CNTNAP2: variants seen among roughly 807,000 people sequenced by gnomAD.
CNTNAP2 encodes the protein contactin associated protein 2, also known as contactin-associated protein-like 2.
In CNTNAP2, 98 loss-of-function variants were observed where a neutral mutation model predicts 155.2. The observed-to-expected ratio is 0.63, with a 90% CI of 0.54 to 0.75. The LOEUF is 0.75. Among genes scored for constraint, CNTNAP2 ranks in the 30% least tolerant of loss-of-function variants. The pLI is 0.00. For missense variants in CNTNAP2, 1,727 were observed against 1,688.1 expected (o/e 1.02, Z -0.40); for synonymous variants, 651 against 631.2 (o/e 1.03, Z -0.47).
intron 1 of CNTNAP2, among the ~76,000 whole-genome samples, chr7:146,236,798 A>C (rs1356992938): frequency 8.1e-6 from 1 of 122,938 alleles, no homozygotes; most frequent in Admixed American, 8.6e-5. Context: ...TTTATCAATA[A>C]GATTGTAAGT....
chr7:146,947,441 C>T (rs867136375), intron 3 of CNTNAP2, among the ~76,000 whole-genome samples: 5,559 of 142,126 alleles, frequency 0.039, 143 homozygotes, highest in Middle Eastern at 0.087. Flanking sequence ...CATACACACA[C>T]ACACACATAT....
At chr7:146,447,858 GT>G (rs1796424529) in intron 1 of CNTNAP2, among the ~76,000 whole-genome samples, 1 of 151,844 alleles carries the variant, frequency 6.6e-6, no homozygotes, top group Non-Finnish European at 1.5e-5. Context: ...TAAAAAAACT[GT>G]GTTTAAGTTC....
chr7:146,547,889 T>C (rs1798053226), intron 1 of CNTNAP2, among the ~76,000 whole-genome samples: 1 of 151,754 alleles, frequency 6.6e-6, no homozygotes, highest in Non-Finnish European at 1.5e-5. Context: ...CCGTAGCAGC[T>C]GCACCATTTT....
chr7:147,219,779 C>T (rs1803351711), intron 8 of CNTNAP2, among the ~76,000 whole-genome samples: 1 of 151,938 alleles, frequency 6.6e-6, no homozygotes, highest in African/African-American at 2.4e-5. Flanking sequence ...CTGGCTTCAT[C>T]ACTTTTTTTG....
chr7:148,237,083 T>C (rs1534709), intron 20 of CNTNAP2, among the ~76,000 whole-genome samples: 114,049 of 152,126 alleles, frequency 0.75, 43,168 homozygotes, highest in South Asian at 0.93. Flanking sequence ...TCCCTAATAT[T>C]CATTCCTGCA....
chr7:146,422,581 G>A (rs1796028260), intron 1 of CNTNAP2, among the ~76,000 whole-genome samples: 3 of 151,694 alleles, frequency 2.0e-5, no homozygotes, highest in Non-Finnish European at 4.4e-5. Flanking sequence ...AGAGTAAATT[G>A]CCTTATAGCA....
At position 146,513,420 on chromosome 7, in the gene CNTNAP2, C is replaced by T. The variant is rs1212023397; in HGVS notation, c.98-260851C>T. On this transcript the variant is annotated intron_variant, in intron 1 of 23. Transcript: ENST00000361727. ...TCCGTTTGGGTTTAGTAATTTTTCT[C>T]TGGTAGTATGTTTTGATTCCTTGCT... Among the ~76,000 whole-genome samples the T allele has an allele frequency of 2.0e-5, 3 of 151,910 alleles. No individual in the cohort carries two copies. In the East Asian group the frequency reaches 5.8e-4, roughly 29 times the overall value.
At chr7:148,328,970 T>G (rs1797939390) in intron 21 of CNTNAP2, among the ~76,000 whole-genome samples, 1 of 79,732 alleles carries the variant, frequency 1.3e-5, no homozygotes. Flanking sequence ...AGCAAGACTC[T>G]GTCTGGAAAA....
chr7:147,949,920 T>C lies in CNTNAP2; in HGVS notation c.2256-27942T>C, dbSNP rs1306840900. ...AAATAAGAAGAGGCTATGATTTGAA[T>C]TGGTATTAATAACAAAGAAGAAAAG... is the stretch of plus-strand genomic sequence containing the variant. On this transcript the variant is annotated intron_variant, in intron 14 of 23. Transcript: ENST00000361727. 2.6e-5 allele frequency among the ~76,000 whole-genome samples: 4 copies of C among 152,146 alleles called. No individual in the cohort carries two copies. In the East Asian group the frequency reaches 5.8e-4, roughly 22 times the overall value.
chr7:146,218,575 C>T (rs944459424), intron 1 of CNTNAP2, among the ~76,000 whole-genome samples: 5 of 151,686 alleles, frequency 3.3e-5, no homozygotes, highest in African/African-American at 9.7e-5. Flanking sequence ...AATAAATAAA[C>T]GAAAAAATAA....
At chr7:147,742,474 G>A (rs944770346) in intron 13 of CNTNAP2, among the ~76,000 whole-genome samples, 8 of 152,048 alleles carry the variant, frequency 5.3e-5, no homozygotes, top group African/African-American at 9.7e-5. Context: ...TCAGTGTTTC[G>A]ACAGGATGTG....
chr7:147,210,177 C>CT lies in CNTNAP2; in HGVS notation c.1348+77675dup, dbSNP rs369340690. Reference sequence around the variant, plus strand: ...CGTTTGAGGAGAATTGCTACCAGGTCTTTTTTTGGATGTCTGGTAGAATTC... The same window carrying CT: ...CGTTTGAGGAGAATTGCTACCAGGTCTTTTTTTTGGATGTCTGGTAGAATTC... On this transcript the variant is annotated intron_variant, in intron 8 of 23. Transcript: ENST00000361727. Among the ~76,000 whole-genome samples the CT allele has an allele frequency of 3.0e-3, 463 of 151,916 alleles. 2 individuals are homozygous for CT. Among genetic ancestry groups the CT allele is most frequent in the African/African-American group, 0.01 (432 of 41,486 alleles).
intron 21 of CNTNAP2, among the ~76,000 whole-genome samples, chr7:148,325,634 T>C (rs1010953803): frequency 6.6e-6 from 1 of 152,146 alleles, no homozygotes; most frequent in African/African-American, 2.4e-5. Flanking sequence ...CCCAAACCAA[T>C]AGATTTATTT....
intron 3 of CNTNAP2, among the ~76,000 whole-genome samples, chr7:146,877,615 A>ATGTG (rs909416983): frequency 7.2e-5 from 10 of 139,854 alleles, no homozygotes; most frequent in Admixed American, 5.1e-4. Flanking sequence ...TATACTATAT[A>ATGTG]TGTGTGTGTA....
intron 1 of CNTNAP2, among the ~76,000 whole-genome samples, chr7:146,241,038 A>C (rs935645061): frequency 6.6e-6 from 1 of 152,096 alleles, no homozygotes; most frequent in East Asian, 1.9e-4. Context: ...CCACACTTTT[A>C]AACAACCAGA....
At chr7:147,630,442 A>C (rs1019225727) in intron 12 of CNTNAP2, among the ~76,000 whole-genome samples, 9 of 152,226 alleles carry the variant, frequency 5.9e-5, no homozygotes, top group Admixed American at 1.3e-4. Context: ...CAAAAGACAG[A>C]GAAGGAGGGA....
intron 11 of CNTNAP2, among the ~76,000 whole-genome samples, chr7:147,503,579 C>A (rs559433494): frequency 4.2e-4 from 64 of 152,226 alleles, no homozygotes; most frequent in Non-Finnish European, 7.8e-4. Flanking sequence ...CTTCTCCCCA[C>A]TTTTACCACA....
intron 15 of CNTNAP2, among the ~76,000 whole-genome samples, chr7:147,978,826 G>C (rs923231677): frequency 1.3e-5 from 2 of 152,068 alleles, no homozygotes; most frequent in African/African-American, 2.4e-5. Context: ...CCTAGATTCT[G>C]CTCCCCAAAT....
intron 8 of CNTNAP2, among the ~76,000 whole-genome samples, chr7:147,145,238 G>A (rs917665269): frequency 6.6e-6 from 1 of 152,114 alleles, no homozygotes; most frequent in African/African-American, 2.4e-5. Flanking sequence ...GAAATATTCA[G>A]TGAAGAATCC....
Sources: allele counts gnomAD v4.1 joint callset (sites outside exome capture counted in the v4.1 genomes callset), GRCh38; gene constraint gnomAD v4.1.1; transcripts MANE v1.5; gene names NCBI Gene and HGNC (gene_info 2026-07-23, HGNC 2026-07-21).